The following TENM2 variants were observed in gnomAD, a reference collection of about 807,000 sequenced individuals.
The protein encoded by TENM2 is teneurin-2.
TENM2 carries 52 observed loss-of-function variants against 245.2 expected under a neutral mutation model. The ratio of observed to expected loss-of-function variants is 0.21; its 90% CI spans 0.17 to 0.27. The LOEUF (loss-of-function observed/expected upper bound fraction) is 0.27. Among genes scored for constraint, TENM2 ranks in the 10% least tolerant of loss-of-function variants. The probability of loss-of-function intolerance (pLI) is 1.00; values close to 1 mark genes in which losing one functional copy is unlikely to be tolerated. For missense variants in TENM2, 3,046 were observed against 3,666.8 expected, an observed-to-expected ratio of 0.83 and a Z score of 4.37; for synonymous variants, 1,363 against 1,438.9, an observed-to-expected ratio of 0.95 and a Z score of 1.19.
the TENM2 span, among the ~76,000 whole-genome samples, chr5:167,071,878 G>GCCCCCCCCCCCCCCCCCCCC: frequency 1.6e-5 from 2 of 124,026 alleles, no homozygotes; most frequent in African/African-American, 2.9e-5. Flanking sequence ...TTGACAAATC[G>GCCCCCCCCCCCCCCCCCCCC]CCCCCCCCCG....
At chr5:167,057,690 C>A in the TENM2 span, among the ~76,000 whole-genome samples, 1 of 152,146 alleles carries the variant, frequency 6.6e-6, no homozygotes, top group Admixed American at 6.5e-5. Flanking sequence ...GGTTATGCTA[C>A]CTATTCAGGA....
intron 1 of TENM2, among the ~76,000 whole-genome samples, chr5:167,359,793 A>G (rs78712831): frequency 0.03 from 4,518 of 152,266 alleles, 97 homozygotes; most frequent in Non-Finnish European, 0.048. Context: ...ATGACTAGCC[A>G]GTTATCCCAG....
chr5:167,079,344 G>A, the TENM2 span, among the ~76,000 whole-genome samples: 11 of 148,570 alleles, frequency 7.4e-5, no homozygotes, highest in Admixed American at 6.8e-5. Context: ...ACAGAGTTTT[G>A]CTCTTGTTGC....
intron 3 of TENM2, among the ~76,000 whole-genome samples, chr5:167,930,271 AT>A (rs1229403022): frequency 6.6e-6 from 1 of 151,822 alleles, no homozygotes; most frequent in Non-Finnish European, 1.5e-5. Context: ...AACACTTATT[AT>A]TTTTTTTAAT....
intron 2 of TENM2, among the ~76,000 whole-genome samples, chr5:167,735,672 G>A (rs1475867961): frequency 6.6e-6 from 1 of 152,070 alleles, no homozygotes; most frequent in African/African-American, 2.4e-5. Flanking sequence ...TGGGCATGTT[G>A]GTGCACACCT....
chr5:167,252,459 A>G, the TENM2 span, among the ~76,000 whole-genome samples: 2 of 152,104 alleles, frequency 1.3e-5, no homozygotes, highest in African/African-American at 4.8e-5. Context: ...TTGGGGGAAG[A>G]AGGAGTCCAG....
the TENM2 span, among the ~76,000 whole-genome samples, chr5:167,047,857 G>A: frequency 2.0e-5 from 3 of 152,106 alleles, no homozygotes; most frequent in Non-Finnish European, 4.4e-5. Flanking sequence ...CTACATCAGG[G>A]AACAAGTGCC....
the TENM2 span, among the ~76,000 whole-genome samples, chr5:167,179,047 A>AC: frequency 6.6e-6 from 1 of 152,120 alleles, no homozygotes; most frequent in African/African-American, 2.4e-5. Flanking sequence ...GATTGATTTC[A>AC]CCCCCAAATA....
chr5:167,366,551 A>G (rs1344048320), intron 1 of TENM2, among the ~76,000 whole-genome samples: 1 of 152,168 alleles, frequency 6.6e-6, no homozygotes, highest in Non-Finnish European at 1.5e-5. Flanking sequence ...TGAAGTCAGC[A>G]GAAGTAATTA....
chr5:167,711,573 A>C (rs10079574), intron 2 of TENM2, among the ~76,000 whole-genome samples: 9,581 of 152,156 alleles, frequency 0.063, 637 homozygotes, highest in East Asian at 0.3. Flanking sequence ...CTTGCCAATC[A>C]CATCCCTTAC....
At chr5:167,379,931 C>CAAAAA (rs10622295) in intron 2 of TENM2, among the ~76,000 whole-genome samples, 124 of 132,246 alleles carry the variant, frequency 9.4e-4, no homozygotes, top group African/African-American at 2.9e-3. Flanking sequence ...AAAAACATAC[C>CAAAAA]AAAAAAAAAA....
chr5:167,823,988 G>T (rs376774226), intron 2 of TENM2, among the ~76,000 whole-genome samples: 2 of 152,144 alleles, frequency 1.3e-5, no homozygotes, highest in East Asian at 3.9e-4. Context: ...ATTCAGAACG[G>T]TGTGACCCAC....
chr5:167,094,838 A>T, the TENM2 span, among the ~76,000 whole-genome samples: 1 of 152,164 alleles, frequency 6.6e-6, no homozygotes, highest in Non-Finnish European at 1.5e-5. Flanking sequence ...TTCTCTGCAA[A>T]ATGAATTTTT....
intron 1 of TENM2, among the ~76,000 whole-genome samples, chr5:167,307,645 G>T (rs918605981): frequency 6.6e-6 from 1 of 152,140 alleles, no homozygotes; most frequent in African/African-American, 2.4e-5. Context: ...AACTCCCACC[G>T]CCCAGTTCAG....
chr5:167,030,842 T>C, the TENM2 span, among the ~76,000 whole-genome samples: 1 of 152,168 alleles, frequency 6.6e-6, no homozygotes, highest in Admixed American at 6.5e-5. Flanking sequence ...ACCCCTGTTA[T>C]TTACCACCTC....
chr5:168,061,733 T>G (rs1387495600), intron 6 of TENM2, among the ~76,000 whole-genome samples: 1 of 152,168 alleles, frequency 6.6e-6, no homozygotes, highest in Admixed American at 6.5e-5. Context: ...TGCTGATAAG[T>G]TTTACATCCC....
chr5:167,052,090 G>C, the TENM2 span, among the ~76,000 whole-genome samples: 1 of 152,096 alleles, frequency 6.6e-6, no homozygotes, highest in Admixed American at 6.6e-5. Flanking sequence ...AATGACAAAA[G>C]ATAATGTTCG....
chr5:167,522,347 C>T (rs1362885092), intron 2 of TENM2, among the ~76,000 whole-genome samples: 1 of 152,026 alleles, frequency 6.6e-6, no homozygotes, highest in African/African-American at 2.4e-5. Context: ...TTATTTCAAT[C>T]ATCAAAGAAG....
intron 8 of TENM2, among the ~76,000 whole-genome samples, chr5:168,097,603 CGTGTGTGTGTGT>C (rs3083428): frequency 6.7e-6 from 1 of 149,158 alleles, no homozygotes; most frequent in African/African-American, 2.5e-5. Flanking sequence ...TGTGTGTGTG[CGTGTGTGTGTGT>C]GTGTGTGTGT....
Sources: gnomAD v4.1 joint callset for allele counts (sites outside exome capture counted in the v4.1 genomes callset) on GRCh38, gnomAD v4.1.1 for gene constraint, MANE v1.5 for transcripts, NCBI Gene and HGNC (gene_info 2026-07-23, HGNC 2026-07-21) for gene names.